Variants in MACROD2 observed in about 807,000 individuals in gnomAD.
The protein encoded by MACROD2 is ADP-ribose glycohydrolase MACROD2.
In MACROD2, 36 loss-of-function variants were observed where a neutral mutation model predicts 70.4. The ratio of observed to expected loss-of-function variants is 0.51; its 90% CI spans 0.39 to 0.68. MACROD2 has a LOEUF of 0.68. Among genes scored for constraint, MACROD2 ranks in the 30% least tolerant of loss-of-function variants. The pLI is 0.00. For missense variants in MACROD2, 496 were observed against 538.4 expected (o/e 0.92, Z 0.78); for synonymous variants, 172 against 178.8 (o/e 0.96, Z 0.30).
chr20:15,510,245 T>G (rs2047480491), intron 8 of MACROD2, among the ~76,000 whole-genome samples: 1 of 152,146 alleles, frequency 6.6e-6, no homozygotes, highest in Non-Finnish European at 1.5e-5. Context: ...TGGAACTACA[T>G]CAGACACAGG....
At chr20:14,958,385 C>CTTTCTGAAGAAAATCCTTT (rs1409912604) in intron 5 of MACROD2, among the ~76,000 whole-genome samples, 5 of 152,166 alleles carry the variant, frequency 3.3e-5, no homozygotes, top group African/African-American at 1.2e-4. Context: ...TGTTTCCTTT[C>CTTTCTGAAGAAAATCCTTT]CGTTCAGATT....
chr20:14,794,498 T>G (rs777953053), intron 5 of MACROD2, among the ~76,000 whole-genome samples: 7 of 152,112 alleles, frequency 4.6e-5, no homozygotes, highest in Non-Finnish European at 1.0e-4. Context: ...GGTTAAACAT[T>G]TATTAAATGC....
chr20:15,593,011 G>A (rs2048698869), intron 8 of MACROD2, among the ~76,000 whole-genome samples: 1 of 152,144 alleles, frequency 6.6e-6, no homozygotes, highest in Admixed American at 6.5e-5. Flanking sequence ...TATCTGCATG[G>A]AGGAAATATA....
chr20:14,364,947 C>G (rs1369530650), intron 3 of MACROD2, among the ~76,000 whole-genome samples: 1 of 152,122 alleles, frequency 6.6e-6, no homozygotes, highest in African/African-American at 2.4e-5. Context: ...ATATAGTGTT[C>G]TGTCTGGCTT....
At chr20:15,008,305 ACT>A (rs1360826188) in intron 5 of MACROD2, among the ~76,000 whole-genome samples, 5 of 151,942 alleles carry the variant, frequency 3.3e-5, no homozygotes, top group African/African-American at 7.3e-5. Flanking sequence ...ACATAGGGAG[ACT>A]CTGTCTTATA....
intron 8 of MACROD2, among the ~76,000 whole-genome samples, chr20:15,557,001 G>A (rs868257952): frequency 2.0e-5 from 3 of 152,076 alleles, no homozygotes; most frequent in Non-Finnish European, 4.4e-5. Flanking sequence ...CTTGACCATT[G>A]CAAGTAGGGA....
At chr20:15,174,199 G>T (rs140506036) in intron 5 of MACROD2, among the ~76,000 whole-genome samples, 1 of 152,012 alleles carries the variant, frequency 6.6e-6, no homozygotes, top group Non-Finnish European at 1.5e-5. Flanking sequence ...GCAATGTCTC[G>T]TCTTAATATA....
chr20:15,945,434 C>G (rs1193537524), intron 12 of MACROD2, among the ~76,000 whole-genome samples: 1 of 152,138 alleles, frequency 6.6e-6, no homozygotes, highest in Non-Finnish European at 1.5e-5. Flanking sequence ...TAAACAAGCA[C>G]TTTTTTTCCA....
chr20:15,430,939 G>A (rs959096673), intron 6 of MACROD2, among the ~76,000 whole-genome samples: 1 of 151,884 alleles, frequency 6.6e-6, no homozygotes, highest in African/African-American at 2.4e-5. Context: ...CAGATTTTAA[G>A]CAACTGATGT....
rs1335460369 is a variant in MACROD2, at chr20:13,995,697, A to G, written c.-67A>G. On this transcript the variant is annotated 5_prime_UTR_variant, in exon 1 of 18. Transcript: ENST00000684519. This position sits in a 1 kb window ranked among gnomAD's most constrained non-coding sequence, Gnocchi z 4.3. ...TGCCCCCTCCCACCCCTCCCACTCC[A>G]CACACACCCTGTTTGCCCGTGAGCC... The G allele has an allele frequency of 3.2e-6, 3 of 939,506 alleles. No homozygotes were observed. The highest frequency in any genetic ancestry group is 4.8e-6 in the Non-Finnish European group (3 of 622,338). The allele number at this position is 939,506 out of a possible 1,614,324, so 58.2% of individuals were successfully genotyped here. A position where few individuals can be genotyped will look rare whatever the true frequency, so the allele number is the denominator to read the frequency against.
intron 5 of MACROD2, among the ~76,000 whole-genome samples, chr20:14,846,229 C>CT (rs936496145): frequency 2.0e-5 from 3 of 151,934 alleles, no homozygotes; most frequent in African/African-American, 7.2e-5. Flanking sequence ...CAACTTTTTT[C>CT]TTTTTTTGAG....
At chr20:14,989,931 T>C (rs528460213) in intron 5 of MACROD2, among the ~76,000 whole-genome samples, 3 of 152,272 alleles carry the variant, frequency 2.0e-5, no homozygotes, top group African/African-American at 7.2e-5. Flanking sequence ...TATTCCTATG[T>C]CAATTTTAAA....
intron 3 of MACROD2, among the ~76,000 whole-genome samples, chr20:14,090,044 T>C (rs532127003): frequency 6.6e-6 from 1 of 152,248 alleles, no homozygotes; most frequent in East Asian, 1.9e-4. Context: ...CCTTCCCCCT[T>C]ATTAGTGTTG....
chr20:14,257,615 A>C (rs1364180525), intron 3 of MACROD2, among the ~76,000 whole-genome samples: 1 of 152,180 alleles, frequency 6.6e-6, no homozygotes, highest in East Asian at 1.9e-4. Flanking sequence ...TGGCCTCATA[A>C]CCCAATTAAG....
chr20:15,669,511 C>G (rs1046328037), intron 8 of MACROD2, among the ~76,000 whole-genome samples: 1 of 152,166 alleles, frequency 6.6e-6, no homozygotes, highest in East Asian at 1.9e-4. Flanking sequence ...ATCACTCCCC[C>G]CAACTCCTGC....
intron 10 of MACROD2, among the ~76,000 whole-genome samples, chr20:15,908,374 C>G (rs1428808201): frequency 6.6e-6 from 1 of 152,212 alleles, no homozygotes; most frequent in Non-Finnish European, 1.5e-5. Context: ...CACTCCCTTT[C>G]TCTTCTCAGG....
chr20:15,679,151 C>T (rs1188613150), intron 8 of MACROD2, among the ~76,000 whole-genome samples: 1 of 150,752 alleles, frequency 6.6e-6, no homozygotes, highest in Admixed American at 6.6e-5. Flanking sequence ...GCAGGAGAAT[C>T]GCTGGAACCT....
intron 5 of MACROD2, among the ~76,000 whole-genome samples, chr20:14,950,798 G>A (rs2074469369): frequency 6.6e-6 from 1 of 152,140 alleles, no homozygotes; most frequent in Admixed American, 6.5e-5. Flanking sequence ...CTTGTTTTAG[G>A]GAGAATGTTT....
rs993255996 is a variant in MACROD2, at chr20:15,246,627, G to A, written c.540+16566G>A. 1.2e-4 allele frequency among the ~76,000 whole-genome samples: 18 copies of A among 152,262 alleles called. No homozygotes were observed. In the East Asian group the frequency reaches 1.3e-3, roughly 11 times the overall value. ...AACTCTTAACCACTGCAGTGGATGCGTAAGATGATATAGTTGTGGAAAACA... is the reference window on the plus strand; with the variant it reads ...AACTCTTAACCACTGCAGTGGATGCATAAGATGATATAGTTGTGGAAAACA... On this transcript the variant is annotated intron_variant, in intron 6 of 17. Coordinates refer to ENST00000684519, the MANE Select transcript of MACROD2 (RefSeq NM_001351661.2).
Sources: gnomAD v4.1 joint callset for allele counts (sites outside exome capture counted in the v4.1 genomes callset) on GRCh38, gnomAD v4.1.1 for gene constraint, Gnocchi (gnomAD v3.1) non-coding constraint, MANE v1.5 for transcripts, NCBI Gene and HGNC (gene_info 2026-07-23, HGNC 2026-07-21) for gene names.